The following KAZN variants were observed in gnomAD, a reference collection of about 807,000 sequenced individuals.
KAZN encodes kazrin.
A neutral mutation model predicts 87.4 loss-of-function variants in KAZN; 40 were observed. The ratio of observed to expected loss-of-function variants is 0.46; its 90% CI spans 0.36 to 0.60. The LOEUF (loss-of-function observed/expected upper bound fraction) is 0.60. Ranked by LOEUF, KAZN falls within the 20% of genes least tolerant of loss-of-function variation. The pLI is 0.00. For missense variants in KAZN, 898 were observed against 1,073.9 expected, an observed-to-expected ratio of 0.84 and a Z score of 2.29; for synonymous variants, 466 against 458.3, an observed-to-expected ratio of 1.02 and a Z score of -0.22.
intron 2 of KAZN, among the ~76,000 whole-genome samples, chr1:14,266,561 G>A (rs904660934): frequency 1.6e-4 from 25 of 152,136 alleles, no homozygotes; most frequent in African/African-American, 4.8e-4. Flanking sequence ...TGAGTTTTAC[G>A]CACACTTAAG....
chr1:14,516,894 T>C lies in KAZN; in HGVS notation c.250-82089T>C, dbSNP rs545493707. On this transcript the variant is annotated intron_variant, in intron 2 of 16. Coordinates refer to the KAZN transcript ENST00000636203. Reference sequence around the variant, plus strand: ...GAAAAGGCAGTCAACAAAATGTGTGTTTTAAATCATCTGTGTTCTCCTAGA... The same window carrying C: ...GAAAAGGCAGTCAACAAAATGTGTGCTTTAAATCATCTGTGTTCTCCTAGA... Among the ~76,000 whole-genome samples, 5 of 152,316 alleles carry C rather than the reference T, an allele frequency of 3.3e-5. No individual in the cohort carries two copies. In the South Asian group the frequency reaches 1.0e-3, roughly 32 times the overall value.
intron 2 of KAZN, among the ~76,000 whole-genome samples, chr1:14,561,316 C>T (rs1674238362): frequency 6.6e-6 from 1 of 152,274 alleles, no homozygotes. Flanking sequence ...GCTAATGGCA[C>T]AGCTGATAAG....
At chr1:14,895,547 G>C (rs1655173862) in intron 1 of KAZN, among the ~76,000 whole-genome samples, 1 of 152,212 alleles carries the variant, frequency 6.6e-6, no homozygotes, top group Non-Finnish European at 1.5e-5. Flanking sequence ...GGACAGCCAA[G>C]AAGAGCCAGG....
chr1:13,948,829 A>C (rs1641241371), intron 1 of KAZN, among the ~76,000 whole-genome samples: 1 of 152,134 alleles, frequency 6.6e-6, no homozygotes, highest in Non-Finnish European at 1.5e-5. Flanking sequence ...TCAGGAATGA[A>C]AATATGGCTC....
intron 1 of KAZN, among the ~76,000 whole-genome samples, chr1:14,950,985 T>C (rs1031522413): frequency 6.6e-6 from 1 of 152,168 alleles, no homozygotes; most frequent in South Asian, 2.1e-4. Context: ...TATGTTTAAC[T>C]GCATGTTCTC....
In KAZN at chr1:14,419,399, T is replaced by TC. The variant is rs574619418; in HGVS notation, c.250-179581dup. On this transcript the variant is annotated intron_variant, in intron 2 of 16. Transcript: ENST00000636203. ...TCATTGCCTGGGAAGCCACCATCCC[T>TC]CCCAGCCCATTCCCTTGTCACAGAA... 3.3e-3 allele frequency among the ~76,000 whole-genome samples: 496 copies of TC among 152,212 alleles called. 2 individuals carry two copies. The highest frequency in any genetic ancestry group is 0.012 in the African/African-American group (478 of 41,526).
chr1:14,403,882 G>C (rs572941410), intron 2 of KAZN, among the ~76,000 whole-genome samples: 1 of 152,232 alleles, frequency 6.6e-6, no homozygotes, highest in Non-Finnish European at 1.5e-5. Context: ...ACACTATAGT[G>C]AAGTTAAGAG....
At chr1:15,109,030 T>C (rs993740771) in intron 13 of KAZN, among the ~76,000 whole-genome samples, 1 of 152,114 alleles carries the variant, frequency 6.6e-6, no homozygotes, top group Non-Finnish European at 1.5e-5. Context: ...GAGGCCAAGG[T>C]CACCCCGTAT....
intron 1 of KAZN, among the ~76,000 whole-genome samples, chr1:14,814,035 C>T (rs954548497): frequency 1.1e-4 from 16 of 152,300 alleles, no homozygotes; most frequent in East Asian, 5.8e-4. Flanking sequence ...TTAGACCTCA[C>T]CTTGCCTCTG....
chr1:14,873,149 T>C lies in KAZN; in HGVS notation c.227-87535T>C, dbSNP rs191697715. Among the ~76,000 whole-genome samples, 15 of 149,652 alleles carry C rather than the reference T, an allele frequency of 1.0e-4. 1 individual carries two copies. Among genetic ancestry groups the C allele is most frequent in the African/African-American group, 3.5e-4 (14 of 39,854 alleles). The stretch of plus-strand genomic sequence containing the variant: ...GTGGATGGATGGATGGATGGAAGGA[T>C]GGATGGATGGACAGATAGATGAATG... On this transcript the variant is annotated intron_variant, in intron 1 of 14. Transcript: ENST00000376030.
chr1:13,986,542 T>G (rs1639026668), intron 1 of KAZN, among the ~76,000 whole-genome samples: 1 of 152,234 alleles, frequency 6.6e-6, no homozygotes, highest in Admixed American at 6.5e-5. Context: ...ATGGATAAAA[T>G]ACATTAATTT....
Position 15,065,657 on chromosome 1 carries a change from C to T in KAZN, c.1126C>T (p.Arg376Trp), listed in dbSNP as rs1557773473. The change falls in exon 8 of 15, where the codon CGG (arginine) becomes TGG (tryptophan). Residue 376 changes from arginine to tryptophan, a missense_variant. Physicochemically the swap from Arg to Trp is moderately radical, Grantham distance 101 (BLOSUM62 -3). This residue lies in a region of KAZN where 521 missense variants were observed against 689.4 expected (regional missense o/e 0.76). Coordinates refer to ENST00000376030, the MANE Select transcript of KAZN (RefSeq NM_201628.3). ...QSLEDLEDQK[R>W]KKKKEKMGFG... ...ACTAGAGGATCTTGAAGACCAAAAA[C>T]GGAAAAAGAAGAAAGAGAAGATGGG... 4 of 1,613,734 alleles carry T rather than the reference C, an allele frequency of 2.5e-6. No homozygotes were observed. Among genetic ancestry groups the T allele is most frequent in the Admixed American group, 1.7e-5 (1 of 59,976 alleles).
At chr1:14,037,720 T>G (rs1641619986) in intron 1 of KAZN, among the ~76,000 whole-genome samples, 1 of 152,180 alleles carries the variant, frequency 6.6e-6, no homozygotes, top group South Asian at 2.1e-4. Flanking sequence ...GCTGCCTACA[T>G]CATGAAGAAA....
At chr1:14,257,923 C>A (rs1281219852) in intron 2 of KAZN, among the ~76,000 whole-genome samples, 1 of 105,476 alleles carries the variant, frequency 9.5e-6, no homozygotes, top group Non-Finnish European at 1.8e-5. Flanking sequence ...TGCACATGTA[C>A]CCTAAAACTT....
At position 14,917,621 on chromosome 1, in the gene KAZN, C is replaced by T. The variant is rs183822194; in HGVS notation, c.227-43063C>T. Among the ~76,000 whole-genome samples the T allele has an allele frequency of 2.0e-3, 305 of 152,302 alleles. 3 individuals carry two copies. Among genetic ancestry groups the T allele is most frequent in the African/African-American group, 7.1e-3 (295 of 41,560 alleles). The stretch of plus-strand genomic sequence containing the variant: ...CAGCCCGACAAGTAGTGACCATGAT[C>T]ATTTCCATTTTTACGGATGGAGAAC... On this transcript the variant is annotated intron_variant, in intron 1 of 14. Coordinates refer to ENST00000376030, the MANE Select transcript of KAZN (RefSeq NM_201628.3).
At chr1:14,921,153 A>AACACACACAC (rs55766387) in intron 1 of KAZN, among the ~76,000 whole-genome samples, 4,101 of 144,462 alleles carry the variant, frequency 0.028, 74 homozygotes, top group African/African-American at 0.031. Context: ...CTGAGCATGC[A>AACACACACAC]ACACACACAC....
Position 14,598,727 on chromosome 1 carries a change from C to G in KAZN, c.-271C>G. ...CGGCGCCCGCCCGCCGGGGTCTCGG[C>G]GATCGCTGCTCCTCCTCCTCCTTCT... On this transcript the variant is annotated 5_prime_UTR_variant, in exon 1 of 15. Transcript: ENST00000376030. The surrounding 1 kb of genome is among the most constrained non-coding windows in gnomAD (Gnocchi z 4.2). 1 of 1,320,518 alleles carries G rather than the reference C, an allele frequency of 7.6e-7. No individual in the cohort carries two copies. The highest frequency in any genetic ancestry group is 9.6e-7 in the Non-Finnish European group (1 of 1,043,800). 81.8% of individuals were successfully genotyped at this position (1,320,518 alleles called of 1,614,324 possible).
intron 1 of KAZN, among the ~76,000 whole-genome samples, chr1:14,625,726 G>C (rs1232802966): frequency 6.6e-6 from 1 of 152,208 alleles, no homozygotes; most frequent in African/African-American, 2.4e-5. Context: ...CAGGCAATTA[G>C]CAGACATGAA....
At chr1:14,626,309 A>G (rs1322310545) in intron 1 of KAZN, among the ~76,000 whole-genome samples, 1 of 152,264 alleles carries the variant, frequency 6.6e-6, no homozygotes, top group African/African-American at 2.4e-5. Flanking sequence ...GGATGAAAAT[A>G]TAAAGCTTCA....
Sources: allele counts gnomAD v4.1 joint callset (sites outside exome capture counted in the v4.1 genomes callset), GRCh38; gene constraint gnomAD v4.1.1; regional missense constraint gnomAD v4.1.1; non-coding constraint Gnocchi (gnomAD v3.1); transcripts MANE v1.5; gene names NCBI Gene and HGNC (gene_info 2026-07-23, HGNC 2026-07-21).